Variants in SLC9C1 observed in about 807,000 individuals in gnomAD.
The protein encoded by SLC9C1 is solute carrier family 9 member C1.
SLC9C1 carries 97 observed loss-of-function variants against 140.9 expected under a neutral mutation model. That is an observed-to-expected ratio of 0.69 (90% CI 0.58 to 0.82). The LOEUF is 0.82. Among genes scored for constraint, SLC9C1 ranks in the 40% least tolerant of loss-of-function variants. SLC9C1 has a pLI of 0.00. For missense variants in SLC9C1, 1,340 were observed against 1,389.3 expected (o/e 0.96, Z 0.56); for synonymous variants, 440 against 442.6 (o/e 0.99, Z 0.07).
At chr3:112,218,322 C>A (rs769699922) in intron 14 of SLC9C1, among the ~76,000 whole-genome samples, 2 of 151,968 alleles carry the variant, frequency 1.3e-5, no homozygotes, top group African/African-American at 2.4e-5. Context: ...AAGGCTCTGC[C>A]CTTGGATGTG....
Position 112,283,494 on chromosome 3 carries a change from A to T in SLC9C1, c.89-2711T>A, listed in dbSNP as rs112832318. On this transcript the variant is annotated intron_variant, in intron 2 of 28. Transcript: ENST00000305815. ...CCTATCTCTAAAAAAAAAAAAAAAAAAGAATGTCTTTGTTCTATGCAAATC... is the reference window on the plus strand; with the variant it reads ...CCTATCTCTAAAAAAAAAAAAAAAATAGAATGTCTTTGTTCTATGCAAATC... 2.8e-3 allele frequency among the ~76,000 whole-genome samples: 405 copies of T among 147,122 alleles called. 2 individuals are homozygous for T. The highest frequency in any genetic ancestry group is 0.012 in the South Asian group (55 of 4,718).
chr3:112,278,084 T>A (rs2080263968), intron 4 of SLC9C1, among the ~76,000 whole-genome samples: 1 of 152,160 alleles, frequency 6.6e-6, no homozygotes, highest in African/African-American at 2.4e-5. Context: ...CATCTTTTTG[T>A]CATTTGTCTG....
chr3:112,163,075 T>A (rs1321194087), intron 26 of SLC9C1, among the ~76,000 whole-genome samples: 5 of 102,868 alleles, frequency 4.9e-5, no homozygotes, highest in Non-Finnish European at 7.7e-5. Context: ...GTTTGTAGTA[T>A]TCTCTGATGG....
intron 28 of SLC9C1, among the ~76,000 whole-genome samples, chr3:112,150,893 A>G (rs1250897690): frequency 6.8e-6 from 1 of 146,256 alleles, no homozygotes; most frequent in East Asian, 2.0e-4. Flanking sequence ...GCTGGAGTGC[A>G]ATGGCGTGAT....
chr3:112,180,584 T>C lies in SLC9C1; in HGVS notation c.2728A>G (p.Ile910Val). 1.2e-6 allele frequency: 2 copies of C among 1,609,730 alleles called. No individual in the cohort carries two copies. The highest frequency in any genetic ancestry group is 1.7e-6 in the Non-Finnish European group (2 of 1,178,802). The change falls in exon 22 of 29, where the codon ATT (isoleucine) becomes GTT (valine). Residue 910 changes from isoleucine (I) to valine (V), a missense_variant. By Grantham distance (29) the Ile-to-Val change is conservative. Coordinates refer to ENST00000305815, the MANE Select transcript of SLC9C1 (RefSeq NM_183061.3). ...CTTACCTTTACCATGCCTGAAATAA[T>C]GATATAGATTCCTTTGGGCTCATCA... is the stretch of plus-strand genomic sequence containing the variant. The part of the protein sequence containing the change: ...EGDEPKGIYI[I>V]ISGMVKLEKS...
chr3:112,271,409 A>ATATATATATATATATATATATATATC lies in SLC9C1; in HGVS notation c.614-1333_614-1332insGATATATATATATATATATATATATA, dbSNP rs1013241776. Among the ~76,000 whole-genome samples the ATATATATATATATATATATATATATC allele has an allele frequency of 3.3e-4, 49 of 149,288 alleles. 1 individual carries two copies. Among genetic ancestry groups the ATATATATATATATATATATATATATC allele is most frequent in the East Asian group, 2.6e-3 (13 of 5,012 alleles). On this transcript the variant is annotated intron_variant, in intron 6 of 28. Transcript: ENST00000305815. ...TTCTACATTGTATATATATATATAT[A>ATATATATATATATATATATATATATC]TCAAAGCCTCACATTGTACCCCATA...
chr3:112,147,409 GT>G (rs1363585867), intron 28 of SLC9C1: 2 of 276,388 alleles, frequency 7.2e-6, no homozygotes, highest in Admixed American at 1.0e-4. Context: ...GTGAGTTTTT[GT>G]GGTAGCAGTT....
intron 6 of SLC9C1, among the ~76,000 whole-genome samples, chr3:112,272,816 C>A: frequency 6.6e-6 from 1 of 152,104 alleles, no homozygotes; most frequent in East Asian, 1.9e-4. Flanking sequence ...GCTTATTGTG[C>A]TTATGGTTAA....
intron 13 of SLC9C1, among the ~76,000 whole-genome samples, chr3:112,228,549 A>C (rs1197404899): frequency 6.6e-6 from 1 of 152,158 alleles, no homozygotes; most frequent in Non-Finnish European, 1.5e-5. Context: ...TATCAAACTA[A>C]AATACTACTG....
chr3:112,206,730 A>G (rs1261135545), intron 16 of SLC9C1, among the ~76,000 whole-genome samples: 1 of 152,010 alleles, frequency 6.6e-6, no homozygotes, highest in Non-Finnish European at 1.5e-5. Flanking sequence ...ATTCTGAGCA[A>G]ACTATCACAA....
intron 14 of SLC9C1, 107 bp downstream of exon 14, chr3:112,221,021 A>T: frequency 3.8e-6 from 3 of 789,064 alleles, no homozygotes; most frequent in South Asian, 1.8e-5. Context: ...TATTAATATT[A>T]ATAGTAGAGG....
intron 11 of SLC9C1, among the ~76,000 whole-genome samples, chr3:112,240,729 A>G (rs1319080395): frequency 6.6e-6 from 1 of 152,178 alleles, no homozygotes; most frequent in East Asian, 1.9e-4. Flanking sequence ...CACATATGAT[A>G]AATTATCTGC....
At chr3:112,293,277 AATATAT>A (rs60247423) in intron 1 of SLC9C1, among the ~76,000 whole-genome samples, 1 of 149,118 alleles carries the variant, frequency 6.7e-6, no homozygotes, top group African/African-American at 2.5e-5. Context: ...CTCTATTTCA[AATATAT>A]ATATATATAT....
At chr3:112,228,033 A>G (rs2078726835) in intron 13 of SLC9C1, among the ~76,000 whole-genome samples, 2 of 152,090 alleles carry the variant, frequency 1.3e-5, no homozygotes, top group Non-Finnish European at 2.9e-5. Flanking sequence ...TACCAGTGAT[A>G]GAGAAAACAT....
chr3:112,233,038 CACACACACACACAT>C (rs1178675153), intron 12 of SLC9C1, among the ~76,000 whole-genome samples: 1 of 70,562 alleles, frequency 1.4e-5, no homozygotes, highest in Non-Finnish European at 2.9e-5. Context: ...CACACACACA[CACACACACACACAT>C]ATATATATAT....
intron 11 of SLC9C1, among the ~76,000 whole-genome samples, chr3:112,241,998 G>A (rs2079149994): frequency 6.6e-6 from 1 of 152,060 alleles, no homozygotes; most frequent in Non-Finnish European, 1.5e-5. Flanking sequence ...AAAAGTCCTA[G>A]AAGAAAACCC....
At chr3:112,266,120 G>C (rs1021892628) in intron 8 of SLC9C1, 118 bp downstream of exon 8, 1 of 736,864 alleles carries the variant, frequency 1.4e-6, no homozygotes, top group Non-Finnish European at 2.2e-6. Context: ...GTTTTTAGTT[G>C]GGTAGTTTTC....
intron 20 of SLC9C1, among the ~76,000 whole-genome samples, chr3:112,193,440 A>C (rs1406406966): frequency 2.0e-5 from 3 of 152,104 alleles, no homozygotes; most frequent in Non-Finnish European, 4.4e-5. Context: ...GCTGTTTCTC[A>C]GGCCCTTAGT....
intron 15 of SLC9C1, among the ~76,000 whole-genome samples, chr3:112,212,254 GA>G (rs1262241436): frequency 1.3e-5 from 2 of 152,124 alleles, no homozygotes; most frequent in Non-Finnish European, 2.9e-5. Flanking sequence ...CAAAGATGGG[GA>G]AAAAACAGAG....
Sources: allele counts gnomAD v4.1 joint callset (sites outside exome capture counted in the v4.1 genomes callset), GRCh38; gene constraint gnomAD v4.1.1; transcripts MANE v1.5; gene names NCBI Gene and HGNC (gene_info 2026-07-23, HGNC 2026-07-21).